Variants in RNF38 observed in about 807,000 individuals in gnomAD.
RNF38 encodes the protein E3 ubiquitin-protein ligase RNF38.
RNF38 carries 15 observed loss-of-function variants against 67.2 expected under a neutral mutation model. The observed-to-expected ratio is 0.22, with a 90% CI of 0.15 to 0.34. The LOEUF (loss-of-function observed/expected upper bound fraction) is 0.34. Ranked by LOEUF, RNF38 falls within the 10% of genes least tolerant of loss-of-function variation. The probability of loss-of-function intolerance (pLI) is 1.00; values close to 1 mark genes in which losing one functional copy is unlikely to be tolerated. For synonymous variants in RNF38, 220 were observed against 218.8 expected, an observed-to-expected ratio of 1.01 and a Z score of -0.05; for missense variants, 524 against 639.9, an observed-to-expected ratio of 0.82 and a Z score of 1.95.
At chr9:36,340,813 A>G (rs1347787403) in intron 11 of RNF38, among the ~76,000 whole-genome samples, 1 of 152,174 alleles carries the variant, frequency 6.6e-6, no homozygotes, top group African/African-American at 2.4e-5. Flanking sequence ...TGCTTTCTCC[A>G]TTTCAACAAA....
At chr9:36,356,580 T>G in intron 5 of RNF38, 107 bp from the exon 6 acceptor site, 1 of 914,990 alleles carries the variant, frequency 1.1e-6, no homozygotes. Context: ...CCCAAAATCA[T>G]GAAAATGTTT....
intron 7 of RNF38, 129 bp from the exon 8 acceptor site, chr9:36,352,977 A>T: frequency 1.2e-6 from 1 of 810,972 alleles, no homozygotes; most frequent in Non-Finnish European, 2.0e-6. Flanking sequence ...AATATTCCTT[A>T]AATACTAACT....
intron 1 of RNF38, among the ~76,000 whole-genome samples, chr9:36,451,415 G>A (rs1228150523): frequency 3.3e-5 from 5 of 150,266 alleles, no homozygotes; most frequent in African/African-American, 1.2e-4. Context: ...GCAGTGAGCC[G>A]AGATGGCACC....
At chr9:36,387,528 G>A (rs2133982991) in intron 2 of RNF38, among the ~76,000 whole-genome samples, 1 of 152,304 alleles carries the variant, frequency 6.6e-6, no homozygotes, top group Non-Finnish European at 1.5e-5. Flanking sequence ...TGACAGCAAA[G>A]AAACATCAGG....
chr9:36,379,173 T>C (rs764947546), intron 2 of RNF38, among the ~76,000 whole-genome samples: 8 of 152,218 alleles, frequency 5.3e-5, no homozygotes, highest in Non-Finnish European at 8.8e-5. Context: ...GTGTTGGGAT[T>C]ACAGGCGTGA....
Position 36,397,301 on chromosome 9 carries a change from A to G in RNF38, c.12+2796T>C, listed in dbSNP as rs574648585. Among the ~76,000 whole-genome samples the G allele has an allele frequency of 1.8e-4, 28 of 152,156 alleles. 1 individual carries two copies. The highest frequency in any genetic ancestry group is 6.8e-3 in the Middle Eastern group (2 of 294). ...ACTAATTTTTTTATTTTTAGTAGAG[A>G]CAGGATTTCATCATATTATTCAGGC... On this transcript the variant is annotated intron_variant, in intron 1 of 11. Transcript: ENST00000259605.
chr9:36,431,915 T>C (rs1440577886), intron 1 of RNF38, among the ~76,000 whole-genome samples: 1 of 151,956 alleles, frequency 6.6e-6, no homozygotes, highest in Non-Finnish European at 1.5e-5. Flanking sequence ...CAGGTATAGC[T>C]GAAAGGAGCT....
chr9:36,470,978 CAT>C (rs915939908), intron 1 of RNF38, among the ~76,000 whole-genome samples: 1 of 152,218 alleles, frequency 6.6e-6, no homozygotes, highest in African/African-American at 2.4e-5. Context: ...GTACTGCAAA[CAT>C]GTCGGCTCTT....
At chr9:36,441,054 T>C (rs1839180176) in intron 1 of RNF38, among the ~76,000 whole-genome samples, 1 of 152,040 alleles carries the variant, frequency 6.6e-6, no homozygotes, top group Non-Finnish European at 1.5e-5. Flanking sequence ...ACCCCAATAG[T>C]GACTATGGAG....
At chr9:36,415,419 CTTGTTTTTT>C (rs1246444181) in intron 2 of RNF38, among the ~76,000 whole-genome samples, 9 of 151,502 alleles carry the variant, frequency 5.9e-5, no homozygotes, top group Non-Finnish European at 1.3e-4. Flanking sequence ...TTGTCCGTAT[CTTGTTTTTT>C]TTGTTTTTTT....
chr9:36,370,281 T>C (rs1835277599), intron 3 of RNF38, among the ~76,000 whole-genome samples: 2 of 152,306 alleles, frequency 1.3e-5, no homozygotes, highest in South Asian at 4.1e-4. Flanking sequence ...TTTTTAAATA[T>C]TATAATAAAA....
chr9:36,433,298 G>T (rs1263827890), intron 1 of RNF38, among the ~76,000 whole-genome samples: 1 of 151,862 alleles, frequency 6.6e-6, no homozygotes, highest in Admixed American at 6.6e-5. Context: ...GTAACACAAA[G>T]GATAAATGCT....
intron 1 of RNF38, among the ~76,000 whole-genome samples, chr9:36,462,289 CAACT>C (rs1839750734): frequency 6.6e-6 from 1 of 152,126 alleles, no homozygotes; most frequent in Non-Finnish European, 1.5e-5. Flanking sequence ...GCAAACTTCC[CAACT>C]ATCACCAAGA....
At chr9:36,341,943 A>G (rs1832883692) in intron 11 of RNF38, among the ~76,000 whole-genome samples, 1 of 152,110 alleles carries the variant, frequency 6.6e-6, no homozygotes, top group East Asian at 1.9e-4. Context: ...GTTCATATAT[A>G]CAAAGGAGAA....
intron 9 of RNF38, among the ~76,000 whole-genome samples, chr9:36,347,544 T>C (rs937222421): frequency 3.3e-5 from 5 of 152,252 alleles, no homozygotes; most frequent in African/African-American, 7.2e-5. Flanking sequence ...ACGTTACTAT[T>C]GCACTTGTTT....
chr9:36,459,221 A>G (rs1839666837), intron 1 of RNF38, among the ~76,000 whole-genome samples: 1 of 151,482 alleles, frequency 6.6e-6, no homozygotes, highest in African/African-American at 2.4e-5. Flanking sequence ...AAAAAAAAAA[A>G]GAAAGATAAA....
At chr9:36,370,663 T>C (rs1051213061) in intron 3 of RNF38, among the ~76,000 whole-genome samples, 6 of 152,170 alleles carry the variant, frequency 3.9e-5, no homozygotes, top group Non-Finnish European at 8.8e-5. Flanking sequence ...CCTAGCACTT[T>C]GGGAAGCTGA....
upstream of RNF38, chr9:36,401,229 G>A (rs2134161335): frequency 2.1e-6 from 2 of 961,118 alleles, no homozygotes; most frequent in East Asian, 1.2e-4. Flanking sequence ...GGGGCTGCGC[G>A]CGGCCCGGCG....
chr9:36,438,165 T>G (rs938664109), intron 1 of RNF38, among the ~76,000 whole-genome samples: 3 of 152,162 alleles, frequency 2.0e-5, no homozygotes, highest in African/African-American at 7.2e-5. Flanking sequence ...TCCCAACTTC[T>G]GGGCTCAAGA....
Sources: gnomAD v4.1 joint callset for allele counts (sites outside exome capture counted in the v4.1 genomes callset) on GRCh38, gnomAD v4.1.1 for gene constraint, MANE v1.5 for transcripts, NCBI Gene and HGNC (gene_info 2026-07-23, HGNC 2026-07-21) for gene names.